The following KIAA0319L variants were observed in gnomAD, a reference collection of about 807,000 sequenced individuals.
The protein encoded by KIAA0319L is KIAA0319 like, also known as dyslexia-associated protein KIAA0319-like protein.
In KIAA0319L, 55 loss-of-function variants were observed where a neutral mutation model predicts 120.1. The ratio of observed to expected loss-of-function variants is 0.46; its 90% confidence interval spans 0.37 to 0.57. The LOEUF (loss-of-function observed/expected upper bound fraction) is 0.57. Among genes scored for constraint, KIAA0319L ranks in the 20% least tolerant of loss-of-function variants. The pLI is 0.00. For synonymous variants in KIAA0319L, 398 were observed against 471.9 expected (o/e 0.84, Z 2.03); for missense variants, 1,049 against 1,255.3 (o/e 0.84, Z 2.48).
At chr1:35,524,236 G>A (rs1646033603) in intron 2 of KIAA0319L, among the ~76,000 whole-genome samples, 1 of 152,206 alleles carries the variant, frequency 6.6e-6, no homozygotes, top group South Asian at 2.1e-4. Flanking sequence ...GTTGTTGCTA[G>A]CAGCTCTGGT....
At chr1:35,478,521 G>A (rs1459494585) in intron 4 of KIAA0319L, among the ~76,000 whole-genome samples, 1 of 152,204 alleles carries the variant, frequency 6.6e-6, no homozygotes, top group African/African-American at 2.4e-5. Context: ...AGTATCTCAT[G>A]TATGCCATAA....
intron 2 of KIAA0319L, among the ~76,000 whole-genome samples, chr1:35,516,517 C>T (rs1645685395): frequency 1.3e-5 from 2 of 152,150 alleles, no homozygotes; most frequent in South Asian, 2.1e-4. Flanking sequence ...ATGTTAAAAA[C>T]TCTCAATAAA....
intron 2 of KIAA0319L, among the ~76,000 whole-genome samples, chr1:35,518,867 G>A (rs1367909114): frequency 1.3e-5 from 2 of 151,776 alleles, no homozygotes; most frequent in Non-Finnish European, 2.9e-5. Context: ...AGCCGGGCAT[G>A]GTGGTGGGCA....
At chr1:35,495,138 C>T (rs1333961459) in intron 3 of KIAA0319L, among the ~76,000 whole-genome samples, 2 of 151,974 alleles carry the variant, frequency 1.3e-5, no homozygotes, top group South Asian at 2.1e-4. Context: ...TTTGAGAGGA[C>T]GAGGCAGGTG....
chr1:35,547,852 T>C (rs1056373083), intron 2 of KIAA0319L, among the ~76,000 whole-genome samples: 1 of 152,198 alleles, frequency 6.6e-6, no homozygotes, highest in African/African-American at 2.4e-5. Context: ...CCAGGTGCAG[T>C]GGCTCACGCC....
rs4045085 is a variant in KIAA0319L at position 35,486,737 on chromosome 1, C to CAAAAAAAAAAAAAAA, written c.667-7540_667-7526dup. Among the ~76,000 whole-genome samples the CAAAAAAAAAAAAAAA allele has an allele frequency of 5.6e-4, 49 of 86,924 alleles. 1 individual carries two copies. The highest frequency in any genetic ancestry group is 2.1e-3 in the African/African-American group (45 of 21,200). 57.0% of individuals were successfully genotyped at this position (86,924 alleles called of 152,430 possible). ...ACAACATAGCGAGACCCCATTTCTACAAAAAAAAAAAAAAAAAATTATAAT... is the reference window on the plus strand; with the variant it reads ...ACAACATAGCGAGACCCCATTTCTACAAAAAAAAAAAAAAAAAAAAAAAAAAAAAAAAATTATAAT... On this transcript the variant is annotated intron_variant, in intron 3 of 20. Transcript: ENST00000325722.
At chr1:35,513,288 A>ATATATATATATATTTTTTTTTT (rs1414704674) in intron 2 of KIAA0319L, among the ~76,000 whole-genome samples, 1 of 85,338 alleles carries the variant, frequency 1.2e-5, no homozygotes, top group African/African-American at 4.3e-5. Context: ...ATATATATAT[A>ATATATATATATATTTTTTTTTT]TTTTTTTTTT....
At chr1:35,492,614 A>G (rs891674437) in intron 3 of KIAA0319L, among the ~76,000 whole-genome samples, 3 of 152,268 alleles carry the variant, frequency 2.0e-5, no homozygotes, top group African/African-American at 7.2e-5. Context: ...AATCAATCAT[A>G]TTATTCACCA....
chr1:35,548,888 A>G (rs1478734346), intron 2 of KIAA0319L, among the ~76,000 whole-genome samples: 1 of 152,134 alleles, frequency 6.6e-6, no homozygotes, highest in Non-Finnish European at 1.5e-5. Flanking sequence ...TTCCCATTGC[A>G]TGGGAATACC....
chr1:35,550,628 T>C (rs751271151), intron 2 of KIAA0319L, among the ~76,000 whole-genome samples: 1 of 152,230 alleles, frequency 6.6e-6, no homozygotes, highest in African/African-American at 2.4e-5. Context: ...CATAATTTTT[T>C]CTTCTTTTCA....
intron 2 of KIAA0319L, among the ~76,000 whole-genome samples, chr1:35,552,304 G>A (rs139051870): frequency 2.4e-4 from 36 of 152,100 alleles, no homozygotes; most frequent in African/African-American, 8.2e-4. Context: ...ATCGCACTGC[G>A]CCACTGCACT....
intron 2 of KIAA0319L, among the ~76,000 whole-genome samples, chr1:35,529,384 G>A (rs1646275707): frequency 6.6e-6 from 1 of 152,162 alleles, no homozygotes; most frequent in African/African-American, 2.4e-5. Context: ...TCTCATCTGT[G>A]TGCTTGCTCT....
chr1:35,447,855 C>T (rs898882526), intron 16 of KIAA0319L, among the ~76,000 whole-genome samples: 2 of 152,144 alleles, frequency 1.3e-5, no homozygotes, highest in Non-Finnish European at 2.9e-5. Flanking sequence ...AATTCATTGT[C>T]CTTGCCACAG....
intron 6 of KIAA0319L, among the ~76,000 whole-genome samples, chr1:35,468,143 G>GTT (rs754901877): frequency 2.0e-5 from 3 of 147,508 alleles, no homozygotes; most frequent in African/African-American, 7.4e-5. Context: ...CCAGGCAAAT[G>GTT]TTTTTTTTTT....
intron 2 of KIAA0319L, among the ~76,000 whole-genome samples, chr1:35,545,149 T>C (rs1304781447): frequency 6.6e-6 from 1 of 152,126 alleles, no homozygotes; most frequent in East Asian, 1.9e-4. Flanking sequence ...GACCACATGA[T>C]GTTTATTAAC....
intron 4 of KIAA0319L, among the ~76,000 whole-genome samples, chr1:35,475,200 T>C (rs1008135708): frequency 6.6e-6 from 1 of 152,218 alleles, no homozygotes; most frequent in African/African-American, 2.4e-5. Flanking sequence ...CTTAAAACTC[T>C]TGGATATCAT....
intron 2 of KIAA0319L, among the ~76,000 whole-genome samples, chr1:35,552,083 G>A (rs964658614): frequency 8.6e-5 from 13 of 151,740 alleles, no homozygotes; most frequent in African/African-American, 3.2e-4. Context: ...GGTGGCTCAC[G>A]CCTGTAATCC....
At chr1:35,458,796 C>T (rs907145439) in intron 9 of KIAA0319L, among the ~76,000 whole-genome samples, 1 of 152,138 alleles carries the variant, frequency 6.6e-6, no homozygotes, top group Admixed American at 6.5e-5. Context: ...ATCAACCTGG[C>T]CCAAGCTGAA....
Position 35,434,807 on chromosome 1 carries a change from G to C in KIAA0319L, c.*87C>G. On this transcript the variant is annotated 3_prime_UTR_variant, in exon 21 of 21. Coordinates refer to ENST00000325722, the MANE Select transcript of KIAA0319L (RefSeq NM_024874.5). ...CAGGGCGAAATGACCAGCAGATGCTGGGACAGCAGCTGCCCGCAGACTCGG... is the reference window on the plus strand; with the variant it reads ...CAGGGCGAAATGACCAGCAGATGCTCGGACAGCAGCTGCCCGCAGACTCGG... 8.2e-7 allele frequency: 1 copy of C among 1,223,882 alleles called. No homozygotes were observed. Among genetic ancestry groups the C allele is most frequent in the Non-Finnish European group, 1.1e-6 (1 of 872,768 alleles). The allele number at this position is 1,223,882 out of a possible 1,614,324, so 75.8% of individuals were successfully genotyped here.
Sources: allele counts gnomAD v4.1 joint callset (sites outside exome capture counted in the v4.1 genomes callset), GRCh38; gene constraint gnomAD v4.1.1; transcripts MANE v1.5; gene names NCBI Gene and HGNC (gene_info 2026-07-23, HGNC 2026-07-21).